ARMH3: variants seen among roughly 807,000 people sequenced by gnomAD.
ARMH3 encodes the protein armadillo like helical domain containing 3, also known as armadillo-like helical domain-containing protein 3.
ARMH3 carries 60 observed loss-of-function variants against 99.1 expected under a neutral mutation model. The observed-to-expected ratio is 0.61, with a 90% CI of 0.49 to 0.75. The LOEUF (loss-of-function observed/expected upper bound fraction) is 0.75. Among genes scored for constraint, ARMH3 ranks in the 30% least tolerant of loss-of-function variants. ARMH3 has a pLI of 0.00. For missense variants in ARMH3, 679 were observed against 843.1 expected, an observed-to-expected ratio of 0.81 and a Z score of 2.41; for synonymous variants, 285 against 292.8, an observed-to-expected ratio of 0.97 and a Z score of 0.27.
intron 19 of ARMH3, among the ~76,000 whole-genome samples, chr10:101,985,949 C>A (rs1321957570): frequency 6.6e-6 from 1 of 151,668 alleles, no homozygotes; most frequent in Non-Finnish European, 1.5e-5. Context: ...ACCTGGGGGG[C>A]GGAGGTTGCA....
chr10:102,001,036 T>C (rs997938132), intron 15 of ARMH3, among the ~76,000 whole-genome samples: 2 of 152,018 alleles, frequency 1.3e-5, no homozygotes, highest in Non-Finnish European at 2.9e-5. Flanking sequence ...AGGCTGGTCT[T>C]GAACTCCTGG....
chr10:102,048,982 T>G (rs978445253), intron 1 of ARMH3, among the ~76,000 whole-genome samples: 4 of 152,068 alleles, frequency 2.6e-5, no homozygotes, highest in African/African-American at 9.7e-5. Context: ...AGCTATCTCC[T>G]AATATGCCTC....
intron 22 of ARMH3, among the ~76,000 whole-genome samples, chr10:101,943,946 C>T (rs1455124635): frequency 4.0e-5 from 6 of 151,302 alleles, no homozygotes; most frequent in Non-Finnish European, 8.8e-5. Context: ...CACCTGTAGT[C>T]CCAGCTACTC....
rs1554882923 is a variant in ARMH3 at position 101,984,770 on chromosome 10, A to AT, written c.1406+5780_1406+5781insA. Among the ~76,000 whole-genome samples the AT allele has an allele frequency of 1.3e-5, 2 of 151,534 alleles. 1 individual carries two copies. Among genetic ancestry groups the AT allele is most frequent in the African/African-American group, 4.8e-5 (2 of 41,366 alleles). ...TTTTAACCACTGCTATGGCCTTAAA[A>AT]ATATATATATATACTGGAGGCCAGG... On this transcript the variant is annotated intron_variant, in intron 19 of 25. Transcript: ENST00000370033.
At chr10:101,881,188 T>TA (rs2067407278) in intron 24 of ARMH3, among the ~76,000 whole-genome samples, 1 of 152,190 alleles carries the variant, frequency 6.6e-6, no homozygotes, top group Admixed American at 6.5e-5. Context: ...AAGCCCTAGT[T>TA]AGAGTGGAGA....
intron 24 of ARMH3, among the ~76,000 whole-genome samples, chr10:101,886,014 G>A (rs368384616): frequency 3.3e-5 from 5 of 150,914 alleles, no homozygotes; most frequent in African/African-American, 7.3e-5. Flanking sequence ...CCAAGATCGC[G>A]CCATTGCACT....
chr10:102,021,187 C>T (rs888169431), intron 8 of ARMH3, among the ~76,000 whole-genome samples: 32 of 151,972 alleles, frequency 2.1e-4, no homozygotes, highest in African/African-American at 7.7e-4. Flanking sequence ...AGCCTCCCTC[C>T]CACCTCAGCC....
chr10:101,962,561 G>C (rs79654364), intron 20 of ARMH3, among the ~76,000 whole-genome samples: 2 of 152,186 alleles, frequency 1.3e-5, no homozygotes, highest in Non-Finnish European at 2.9e-5. Flanking sequence ...CTAGGTGCTA[G>C]ATATTATGTA....
intron 23 of ARMH3, among the ~76,000 whole-genome samples, chr10:101,924,971 C>G (rs1054960121): frequency 6.6e-6 from 1 of 151,938 alleles, no homozygotes; most frequent in East Asian, 1.9e-4. Flanking sequence ...TCTGGCCTGG[C>G]AATAGAGAGA....
At chr10:101,944,273 T>TATAGAG (rs1844401380) in intron 22 of ARMH3, among the ~76,000 whole-genome samples, 6 of 25,406 alleles carry the variant, frequency 2.4e-4, no homozygotes, top group Admixed American at 5.6e-4. Context: ...TATATATATA[T>TATAGAG]AGAGAGAGAG....
At chr10:102,052,422 C>A (rs1408484828) in intron 1 of ARMH3, among the ~76,000 whole-genome samples, 1 of 152,114 alleles carries the variant, frequency 6.6e-6, no homozygotes, top group Non-Finnish European at 1.5e-5. Flanking sequence ...CAGGGTTTTG[C>A]TATCTTGCCC....
At chr10:101,861,237 T>C (rs973871852) in intron 24 of ARMH3, among the ~76,000 whole-genome samples, 1 of 152,086 alleles carries the variant, frequency 6.6e-6, no homozygotes, top group African/African-American at 2.4e-5. Flanking sequence ...GGAACAAAGA[T>C]AAGAGTTCAC....
At chr10:102,008,772 A>G (rs1263365700) in intron 13 of ARMH3, among the ~76,000 whole-genome samples, 1 of 151,298 alleles carries the variant, frequency 6.6e-6, no homozygotes, top group Non-Finnish European at 1.5e-5. Flanking sequence ...TCACCGTGTT[A>G]GCCAGGATGG....
intron 23 of ARMH3, among the ~76,000 whole-genome samples, chr10:101,929,539 G>A (rs944494116): frequency 8.5e-5 from 13 of 152,070 alleles, no homozygotes; most frequent in African/African-American, 3.1e-4. Flanking sequence ...GTTTATTGAA[G>A]TGGGTGTTGT....
At chr10:101,878,490 A>G (rs2067324655) in intron 24 of ARMH3, among the ~76,000 whole-genome samples, 1 of 151,544 alleles carries the variant, frequency 6.6e-6, no homozygotes, top group Non-Finnish European at 1.5e-5. Context: ...AAAAAAAAAA[A>G]TAGCCAGACA....
chr10:101,881,097 T>C (rs2067405100), intron 24 of ARMH3, among the ~76,000 whole-genome samples: 1 of 152,194 alleles, frequency 6.6e-6, no homozygotes, highest in Admixed American at 6.5e-5. Context: ...CTCCCACAAA[T>C]GAATAACCTG....
intron 24 of ARMH3, among the ~76,000 whole-genome samples, chr10:101,887,493 T>A (rs1466288215): frequency 2.0e-5 from 3 of 151,336 alleles, no homozygotes; most frequent in African/African-American, 7.3e-5. Flanking sequence ...AGCTTCAACC[T>A]CCCTGGGTTC....
intron 24 of ARMH3, among the ~76,000 whole-genome samples, chr10:101,865,571 C>T (rs2066982725): frequency 6.6e-6 from 1 of 152,068 alleles, no homozygotes; most frequent in Admixed American, 6.5e-5. Flanking sequence ...TCACTGCAGC[C>T]TCTGCATCCC....
chr10:101,975,049 T>TAAAAAAAAAAAAAAA (rs11399489), intron 20 of ARMH3, among the ~76,000 whole-genome samples, 163 bp downstream of exon 20: 16 of 29,656 alleles, frequency 5.4e-4, no homozygotes, highest in East Asian at 1.5e-3. Context: ...AGCTAAAACG[T>TAAAAAAAAAAAAAAA]AAAAAAAAAA....
Sources: gnomAD v4.1 joint callset for allele counts (sites outside exome capture counted in the v4.1 genomes callset) on GRCh38, gnomAD v4.1.1 for gene constraint, MANE v1.5 for transcripts, NCBI Gene and HGNC (gene_info 2026-07-23, HGNC 2026-07-21) for gene names.